Variants in SEMA4D observed in about 807,000 individuals in gnomAD.
The protein encoded by SEMA4D is semaphorin-4D.
In SEMA4D, 22 loss-of-function variants were observed where a neutral mutation model predicts 74.8. The observed-to-expected ratio is 0.29, with a 90% CI of 0.21 to 0.42. The LOEUF (loss-of-function observed/expected upper bound fraction) is 0.42, where lower values mean the gene tolerates loss of function less well. Ranked by LOEUF, SEMA4D falls within the 10% of genes least tolerant of loss-of-function variation. The probability of loss-of-function intolerance (pLI) is 1.00; values close to 1 mark genes in which losing one functional copy is unlikely to be tolerated. For synonymous variants in SEMA4D, 445 were observed against 463.7 expected (o/e 0.96, Z 0.52); for missense variants, 937 against 1,118.4 (o/e 0.84, Z 2.31).
chr9:89,438,663 TTTTTC>T (rs537585584), intron 2 of SEMA4D, among the ~76,000 whole-genome samples: 1 of 152,150 alleles, frequency 6.6e-6, no homozygotes, highest in African/African-American at 2.4e-5. Context: ...CAATGTATGT[TTTTTC>T]TTTTCTTTTT....
chr9:89,477,411 A>G (rs543660727), intron 1 of SEMA4D, among the ~76,000 whole-genome samples: 2 of 152,308 alleles, frequency 1.3e-5, no homozygotes, highest in African/African-American at 4.8e-5. Flanking sequence ...CTGCTAATCA[A>G]TGCCTTGACA....
intron 2 of SEMA4D, among the ~76,000 whole-genome samples, chr9:89,437,131 A>G (rs1416677816): frequency 6.6e-6 from 1 of 152,136 alleles, no homozygotes; most frequent in African/African-American, 2.4e-5. Flanking sequence ...CGACCCTAAA[A>G]CAGGAAGCAC....
intron 2 of SEMA4D, among the ~76,000 whole-genome samples, chr9:89,455,592 A>C (rs1588026898): frequency 6.6e-6 from 1 of 152,054 alleles, no homozygotes; most frequent in Non-Finnish European, 1.5e-5. Flanking sequence ...TACTGGGCTC[A>C]CCACCAAACA....
chr9:89,369,948 GTA>G (rs1834285812), intron 16 of SEMA4D, among the ~76,000 whole-genome samples: 1 of 151,930 alleles, frequency 6.6e-6, no homozygotes, highest in Admixed American at 6.6e-5. Flanking sequence ...TATGTGGTGT[GTA>G]TGTGCTTTGG....
chr9:89,479,095 GC>G (rs758016161), intron 1 of SEMA4D, among the ~76,000 whole-genome samples: 1 of 152,184 alleles, frequency 6.6e-6, no homozygotes, highest in Non-Finnish European at 1.5e-5. Context: ...TCCCATGGCT[GC>G]CTGTGGAGCT....
intron 1 of SEMA4D, among the ~76,000 whole-genome samples, chr9:89,489,237 T>C (rs1825439021): frequency 6.6e-6 from 1 of 152,236 alleles, no homozygotes; most frequent in African/African-American, 2.4e-5. Context: ...AACATCTACT[T>C]ACCATGAAAC....
At chr9:89,430,714 A>T (rs774642920) in intron 2 of SEMA4D, among the ~76,000 whole-genome samples, 4 of 152,214 alleles carry the variant, frequency 2.6e-5, no homozygotes, top group Non-Finnish European at 4.4e-5. Context: ...TGGTGGCCCA[A>T]GCCTGTAATC....
At chr9:89,385,046 C>G in intron 13 of SEMA4D, 1 of 985,320 alleles carries the variant, frequency 1.0e-6, no homozygotes, top group African/African-American at 1.7e-5. Flanking sequence ...TCCCCAAACC[C>G]ACTGGCTCCT....
rs753389132 is a variant in SEMA4D, at chr9:89,362,374, G to T, written c.*28C>A. The T allele has an allele frequency of 3.7e-6, 6 of 1,613,980 alleles. No homozygotes were observed. In the East Asian group the frequency reaches 1.3e-4, roughly 36 times the overall value. On this transcript the variant is annotated 3_prime_UTR_variant, in exon 19 of 19. Coordinates refer to the SEMA4D transcript ENST00000339861. Reference sequence around the variant, plus strand: ...GCAGCAGGGTCTTGTTGGGGTTGAGGTCGGTGTCAGGGACTCCTTCCTGGT... The same window carrying T: ...GCAGCAGGGTCTTGTTGGGGTTGAGTTCGGTGTCAGGGACTCCTTCCTGGT...
At chr9:89,393,782 T>A in intron 6 of SEMA4D, 127 bp from the exon 7 acceptor site, 1 of 708,142 alleles carries the variant, frequency 1.4e-6, no homozygotes, top group Non-Finnish European at 2.5e-6. Context: ...AGCAGATAGG[T>A]GTGGAGCTAC....
chr9:89,393,422 C>A, intron 7 of SEMA4D, 140 bp downstream of exon 7: 1 of 675,954 alleles, frequency 1.5e-6, no homozygotes, highest in African/African-American at 1.8e-5. Context: ...TATGCAGTCA[C>A]ATGTGCCTTT....
rs1436867784 is a variant in SEMA4D, at chr9:89,405,636, G to A, written c.-180C>T. 6.3e-6 allele frequency: 9 copies of A among 1,430,674 alleles called. No individual in the cohort carries two copies. Among genetic ancestry groups the A allele is most frequent in the African/African-American group, 5.7e-5 (4 of 69,592 alleles). 88.6% of individuals were successfully genotyped at this position (1,430,674 alleles called of 1,614,324 possible). A position where few individuals can be genotyped will look rare whatever the true frequency, so the allele number is the denominator to read the frequency against. On this transcript the variant is annotated 5_prime_UTR_variant, in exon 3 of 16. Transcript: ENST00000422704. The stretch of plus-strand genomic sequence containing the variant: ...TTTCCCAGTTCTCCAGGTGAGGAGG[G>A]GTCGCTCTCACCACCGCAATGTCAA...
At position 89,492,686 on chromosome 9, in the gene SEMA4D, C is replaced by T. The variant is rs1825723415; in HGVS notation, c.-310+5233G>A. 6.6e-6 allele frequency among the ~76,000 whole-genome samples: 1 copy of T among 152,198 alleles called. No individual in the cohort carries two copies. Among genetic ancestry groups the T allele is most frequent in the Non-Finnish European group, 1.5e-5 (1 of 68,034 alleles). ...AAGACTCTTGGGTCATCCTGGACCCCTTGCTTGCTGCAACAGCCCTCATGG... is the reference window on the plus strand; with the variant it reads ...AAGACTCTTGGGTCATCCTGGACCCTTTGCTTGCTGCAACAGCCCTCATGG... On this transcript the variant is annotated intron_variant, in intron 1 of 15. Transcript: ENST00000422704. This position sits in a 1 kb window ranked among gnomAD's most constrained non-coding sequence, Gnocchi z 4.3.
intron 1 of SEMA4D, 141 bp from the exon 2 acceptor site, chr9:89,456,094 TGTCA>T (rs1232169119): frequency 6.6e-6 from 1 of 152,236 alleles, no homozygotes; most frequent in African/African-American, 2.4e-5. Context: ...CCTAGAGAAC[TGTCA>T]GTTACAGGAT....
At chr9:89,389,102 G>A in intron 9 of SEMA4D, 55 bp from the exon 10 acceptor site, 2 of 1,590,442 alleles carry the variant, frequency 1.3e-6, no homozygotes, top group Non-Finnish European at 1.7e-6. Context: ...CTGTGAGCAA[G>A]CACTAAGGTC....
chr9:89,371,891 C>G (rs1206513311), intron 16 of SEMA4D, among the ~76,000 whole-genome samples: 10 of 4,446 alleles, frequency 2.2e-3, no homozygotes, highest in African/African-American at 2.5e-3. Flanking sequence ...TGTGTGGTGT[C>G]TGGGGTGTGG....
intron 7 of SEMA4D, 131 bp from the exon 8 acceptor site, chr9:89,392,667 GAC>G (rs1303910488): frequency 1.6e-5 from 10 of 641,644 alleles, no homozygotes; most frequent in Non-Finnish European, 2.5e-5. Flanking sequence ...GAAAGGGAAA[GAC>G]AGTCTCCTCA....
Position 89,487,820 on chromosome 9 carries a change from C to T in SEMA4D, c.-310+10099G>A, listed in dbSNP as rs184355754. Among the ~76,000 whole-genome samples the T allele has an allele frequency of 5.5e-4, 83 of 152,232 alleles. 1 individual carries two copies. The highest frequency in any genetic ancestry group is 9.0e-4 in the Non-Finnish European group (61 of 68,000). ...AAAACATGTGCAAGACCTGTACACT[C>T]AAAACTACAAAACACTGCTGAAAGA... On this transcript the variant is annotated intron_variant, in intron 1 of 15. Coordinates refer to ENST00000422704, the MANE Select transcript of SEMA4D (RefSeq NM_001371194.2).
chr9:89,411,673 G>A (rs961554033), intron 2 of SEMA4D, among the ~76,000 whole-genome samples: 5 of 152,216 alleles, frequency 3.3e-5, no homozygotes, highest in Non-Finnish European at 5.9e-5. Context: ...AGACATCCAT[G>A]TTCTGGTTCC....
Sources: allele counts gnomAD v4.1 joint callset (sites outside exome capture counted in the v4.1 genomes callset), GRCh38; gene constraint gnomAD v4.1.1; non-coding constraint Gnocchi (gnomAD v3.1); transcripts MANE v1.5; gene names NCBI Gene and HGNC (gene_info 2026-07-23, HGNC 2026-07-21).